The following IL12RB2 variants were observed in gnomAD, a reference collection of about 807,000 sequenced individuals.
IL12RB2 encodes the protein interleukin 12 receptor subunit beta 2, also known as interleukin-12 receptor subunit beta-2.
A neutral mutation model predicts 89.4 loss-of-function variants in IL12RB2; 82 were observed. The ratio of observed to expected loss-of-function variants is 0.92; its 90% CI spans 0.77 to 1.10. The LOEUF is 1.10. Ranked by LOEUF, IL12RB2 falls within the 50% of genes least tolerant of loss-of-function variation. The pLI, the probability that IL12RB2 is intolerant of heterozygous loss-of-function variation, is 0.00. For synonymous variants in IL12RB2, 368 were observed against 370.1 expected, an observed-to-expected ratio of 0.99 and a Z score of 0.07; for missense variants, 963 against 1,031.9, an observed-to-expected ratio of 0.93 and a Z score of 0.92.
intron 4 of IL12RB2, 118 bp downstream of exon 4, chr1:67,322,007 C>A: frequency 1.1e-6 from 1 of 899,396 alleles, no homozygotes; most frequent in Non-Finnish European, 1.8e-6. Context: ...TTTCCCACCA[C>A]ATTGAAGTAT....
rs1491353093 is a variant in IL12RB2, at chr1:67,341,575, G to GA, written c.1038+2875dup. 2.9e-5 allele frequency among the ~76,000 whole-genome samples: 4 copies of GA among 139,364 alleles called. No homozygotes were observed. The South Asian group carries it at 7.1e-4, about 25-fold the overall frequency. The allele number at this position is 139,364 out of a possible 152,430, so 91.4% of individuals were successfully genotyped here. A position where few individuals can be genotyped will look rare whatever the true frequency, so the allele number is the denominator to read the frequency against. On this transcript the variant is annotated intron_variant, in intron 9 of 16. Coordinates refer to ENST00000674203, the MANE Select transcript of IL12RB2 (RefSeq NM_001374259.2). ...AGAAAGAAAGAAAGAAAGAAAGAAA[G>GA]AAAGAAAGAAAAGAAAGGAAGGAAA...
chr1:67,384,044 G>C (rs986543581), intron 14 of IL12RB2, among the ~76,000 whole-genome samples: 2 of 152,340 alleles, frequency 1.3e-5, no homozygotes, highest in African/African-American at 4.8e-5. Flanking sequence ...TACCATTCTA[G>C]GGTCTGGAGG....
intron 16 of IL12RB2, among the ~76,000 whole-genome samples, chr1:67,394,872 G>C (rs960111786): frequency 6.6e-6 from 1 of 152,176 alleles, no homozygotes; most frequent in African/African-American, 2.4e-5. Context: ...GATCCTAAAG[G>C]CTTCACTGCC....
intron 16 of IL12RB2, among the ~76,000 whole-genome samples, chr1:67,390,455 CT>C (rs67532605): frequency 0.015 from 1,563 of 107,512 alleles, 6 homozygotes; most frequent in African/African-American, 0.048. Context: ...GCAAACTTTC[CT>C]TTTTTTTTTT....
At position 67,374,777 on chromosome 1, in the gene IL12RB2, C is replaced by CT. The variant is rs35122967; in HGVS notation, c.1717+2023dup. 3.1e-3 allele frequency among the ~76,000 whole-genome samples: 167 copies of CT among 53,866 alleles called. 7 individuals carry two copies. Among genetic ancestry groups the CT allele is most frequent in the African/African-American group, 7.9e-3 (109 of 13,824 alleles). The allele number at this position is 53,866 out of a possible 152,430, so 35.3% of individuals were successfully genotyped here. A position where few individuals can be genotyped will look rare whatever the true frequency, so the allele number is the denominator to read the frequency against. On this transcript the variant is annotated intron_variant, in intron 13 of 16. Coordinates refer to ENST00000674203, the MANE Select transcript of IL12RB2 (RefSeq NM_001374259.2). ...AGGCGTGAGCCACCCAGCCCAGCCT[C>CT]TTTTTTTTTTTTTTTTTTTTTTTTT... is the stretch of plus-strand genomic sequence containing the variant.
At chr1:67,367,780 C>T (rs182524256) in intron 10 of IL12RB2, 45 bp from the exon 11 acceptor site, 14 of 1,038,832 alleles carry the variant, frequency 1.3e-5, no homozygotes, top group Admixed American at 3.4e-5. Context: ...AATCTTTATC[C>T]CTCCTCTTTT....
intron 4 of IL12RB2, 35 bp downstream of exon 4, chr1:67,321,924 G>A: frequency 1.3e-6 from 2 of 1,571,436 alleles, no homozygotes; most frequent in South Asian, 2.2e-5. Context: ...AAAACTTGGT[G>A]ATCTTTTGGT....
intron 8 of IL12RB2, among the ~76,000 whole-genome samples, chr1:67,332,670 A>G (rs1658249560): frequency 6.6e-6 from 1 of 152,202 alleles, no homozygotes; most frequent in Non-Finnish European, 1.5e-5. Flanking sequence ...AATTTTTTTA[A>G]AGACTATCTC....
rs560745152 is a variant in IL12RB2, at chr1:67,327,029, C to T, written c.479+180C>T. ...AGGCTAGAGTGCAGTGGCGCAATCT[C>T]GGCTCACTGCAACCTCTGCTTCCTG... On this transcript the variant is annotated intron_variant, in intron 5 of 16. Transcript: ENST00000674203. 1.1e-4 allele frequency among the ~76,000 whole-genome samples: 17 copies of T among 151,568 alleles called. No individual in the cohort carries two copies. The South Asian group carries it at 2.5e-3, about 22-fold the overall frequency.
intron 16 of IL12RB2, among the ~76,000 whole-genome samples, chr1:67,392,929 T>C (rs1665987893): frequency 6.6e-6 from 1 of 152,148 alleles, no homozygotes; most frequent in Non-Finnish European, 1.5e-5. Flanking sequence ...TGGCCTAGAA[T>C]ATCTTAAGAA....
chr1:67,388,127 A>G (rs901469421), intron 15 of IL12RB2, among the ~76,000 whole-genome samples: 3 of 152,094 alleles, frequency 2.0e-5, no homozygotes, highest in Admixed American at 1.3e-4. Flanking sequence ...GTAAGTTGAG[A>G]TTGCGCCACT....
At chr1:67,360,400 A>C (rs189912510) in intron 10 of IL12RB2, among the ~76,000 whole-genome samples, 591 of 150,416 alleles carry the variant, frequency 3.9e-3, no homozygotes, top group Non-Finnish European at 6.6e-3. Flanking sequence ...CTGTCTCAGA[A>C]AGAAAAAAAA....
rs17129777 is a variant in IL12RB2 at position 67,321,639 on chromosome 1, C to G, written c.114C>G (p.Ser38=). Residue 38 remains serine, a synonymous_variant, in exon 4 of 17, where the codon TCC becomes TCG. Coordinates refer to ENST00000674203, the MANE Select transcript of IL12RB2 (RefSeq NM_001374259.2). ...CKRGDVTVKP[S]HVILLGSTVN... is the part of the protein sequence containing the mutation. ...GAGGCGATGTGACTGTGAAGCCTTC[C>G]CATGTAATTTTACTTGGATCCACTG... 1.8e-3 allele frequency: 2,896 copies of G among 1,605,942 alleles called. 40 individuals are homozygous for G. In the African/African-American group the frequency reaches 0.034, roughly 19 times the overall value.
chr1:67,373,406 C>T (rs1237210140), intron 13 of IL12RB2, among the ~76,000 whole-genome samples: 2 of 152,208 alleles, frequency 1.3e-5, no homozygotes, highest in African/African-American at 2.4e-5. Flanking sequence ...CACAGCGCCC[C>T]GCCAATCCTG....
intron 8 of IL12RB2, among the ~76,000 whole-genome samples, chr1:67,337,901 TAAAAA>T (rs11449571): frequency 1.5e-5 from 2 of 132,306 alleles, no homozygotes; most frequent in African/African-American, 2.8e-5. Context: ...TGCATTCTAG[TAAAAA>T]AAAAAAAAAA....
At chr1:67,391,781 C>T (rs919576552) in intron 16 of IL12RB2, among the ~76,000 whole-genome samples, 29 of 151,876 alleles carry the variant, frequency 1.9e-4, no homozygotes, top group East Asian at 3.9e-4. Flanking sequence ...GGACTACAGG[C>T]GCCCGCCGCC....
At position 67,398,209 on chromosome 1, in the gene IL12RB2, C is replaced by T. The variant is rs991423426; in HGVS notation, c.*2120C>T. On this transcript the variant is annotated 3_prime_UTR_variant, in exon 17 of 17. Transcript: ENST00000674203. ...GGACATGCCCTTGACTGGCACAAAC[C>T]GTGACAGACATGCCCTTGACTGGCA... Among the ~76,000 whole-genome samples, 5 of 152,054 alleles carry T rather than the reference C, an allele frequency of 3.3e-5. No homozygotes were observed. The highest frequency in any genetic ancestry group is 4.8e-5 in the African/African-American group (2 of 41,396).
chr1:67,314,186 T>C (rs1190856577), intron 2 of IL12RB2, among the ~76,000 whole-genome samples, 186 bp downstream of exon 2: 1 of 152,220 alleles, frequency 6.6e-6, no homozygotes, highest in East Asian at 1.9e-4. Context: ...CAGGGCACAG[T>C]AGTTACTAGT....
At position 67,330,650 on chromosome 1, in the gene IL12RB2, C is replaced by G. The variant is rs201819132; in HGVS notation, c.808-10C>G. Reference sequence around the variant, plus strand: ...ATTAATAGGCACTTTAAAAAAATGTCTGTTTCAAGGTTAATGTTACAAAGG... The same window carrying G: ...ATTAATAGGCACTTTAAAAAAATGTGTGTTTCAAGGTTAATGTTACAAAGG... On this transcript the variant is annotated splice_polypyrimidine_tract_variant and intron_variant, in intron 7 of 16. Coordinates refer to ENST00000674203, the MANE Select transcript of IL12RB2 (RefSeq NM_001374259.2). 2.3e-4 allele frequency: 330 copies of G among 1,412,956 alleles called. No homozygotes were observed. Among genetic ancestry groups the G allele is most frequent in the Non-Finnish European group, 2.9e-4 (294 of 999,294 alleles). The allele number at this position is 1,412,956 out of a possible 1,614,324, so 87.5% of individuals were successfully genotyped here. A position where few individuals can be genotyped will look rare whatever the true frequency, so the allele number is the denominator to read the frequency against.
Sources: gnomAD v4.1 joint callset for allele counts (sites outside exome capture counted in the v4.1 genomes callset) on GRCh38, gnomAD v4.1.1 for gene constraint, MANE v1.5 for transcripts, NCBI Gene and HGNC (gene_info 2026-07-23, HGNC 2026-07-21) for gene names.